Variants in ADAMTS3 observed in about 807,000 individuals in gnomAD.
ADAMTS3 encodes ADAM metallopeptidase with thrombospondin type 1 motif 3, also known as A disintegrin and metalloproteinase with thrombospondin motifs 3.
ADAMTS3 carries 73 observed loss-of-function variants against 129.0 expected under a neutral mutation model. That is an observed-to-expected ratio of 0.57 (90% confidence interval 0.47 to 0.69). ADAMTS3 has a LOEUF of 0.69. ADAMTS3 is among the 30% of genes least tolerant of loss of function. ADAMTS3 has a pLI of 0.00. For synonymous variants in ADAMTS3, 477 were observed against 510.8 expected (o/e 0.93, Z 0.89); for missense variants, 1,457 against 1,514.5 (o/e 0.96, Z 0.63).
At chr4:72,568,661 A>G in intron 1 of ADAMTS3, 33 bp downstream of exon 1, 1 of 1,437,940 alleles carries the variant, frequency 7.0e-7, no homozygotes, top group African/African-American at 2.3e-5. Context: ...GTTGGGTTTG[A>G]GTTTTTTTTT....
chr4:72,548,907 G>A, intron 2 of ADAMTS3, 23 bp from the exon 3 acceptor site: 1 of 1,589,090 alleles, frequency 6.3e-7, no homozygotes, highest in Non-Finnish European at 8.6e-7. Context: ...AAACAGAACT[G>A]TCAAACCCTG....
Position 72,482,507 on chromosome 4 carries a change from G to A in ADAMTS3, c.504+65971C>T, listed in dbSNP as rs73825551. 6.2e-3 allele frequency among the ~76,000 whole-genome samples: 937 copies of A among 152,172 alleles called. 13 individuals carry two copies. Among genetic ancestry groups the A allele is most frequent in the African/African-American group, 0.022 (904 of 41,544 alleles). The stretch of plus-strand genomic sequence containing the variant: ...AGATTCACAGTTTTCAGAGCTTAAG[G>A]AAGAAGTGGGGTGGGAGAAAAGTGG... On this transcript the variant is annotated intron_variant, in intron 3 of 21. Coordinates refer to ENST00000286657, the MANE Select transcript of ADAMTS3 (RefSeq NM_014243.3).
rs566255347 is a variant in ADAMTS3, at chr4:72,376,094, C to T, written c.662-36401G>A. The stretch of plus-strand genomic sequence containing the variant: ...AGGTAGTTGCAAATTCTCAAATACA[C>T]GTGCAGATTATGTGGAAGTGCTACA... On this transcript the variant is annotated intron_variant, in intron 4 of 21. Transcript: ENST00000286657. Among the ~76,000 whole-genome samples the T allele has an allele frequency of 1.7e-4, 26 of 152,232 alleles. 1 individual carries two copies. The highest frequency in any genetic ancestry group is 5.3e-4 in the African/African-American group (22 of 41,554).
intron 3 of ADAMTS3, among the ~76,000 whole-genome samples, chr4:72,478,202 T>A (rs371683028): frequency 1.3e-4 from 20 of 152,158 alleles, no homozygotes; most frequent in Non-Finnish European, 2.6e-4. Flanking sequence ...TGAGGCCAGC[T>A]TCATTCTGAT....
Position 72,318,706 on chromosome 4 carries a change from T to A in ADAMTS3, c.1353-2A>T. 1 of 1,608,950 alleles carries A rather than the reference T, an allele frequency of 6.2e-7. No homozygotes were observed. The highest frequency in any genetic ancestry group is 8.5e-7 in the Non-Finnish European group (1 of 1,178,532). On this transcript the variant is annotated splice_acceptor_variant, in intron 9 of 21. Transcript: ENST00000286657. LOFTEE classifies it high-confidence loss of function. ...TCATCAAGGAGACAGTCATAGGAAC[T>A]GTAGGAAGAAAAATATTGCATGTAG...
chr4:72,416,980 C>T lies in ADAMTS3; in HGVS notation c.505-2009G>A, dbSNP rs555490863. Reference sequence around the variant, plus strand: ...TCTGCTGGTAGCAAAAAGCGTGAACCGGCTTTATCCCAGAAAGATAGGTCT... The same window carrying T: ...TCTGCTGGTAGCAAAAAGCGTGAACTGGCTTTATCCCAGAAAGATAGGTCT... On this transcript the variant is annotated intron_variant, in intron 3 of 21. Coordinates refer to ENST00000286657, the MANE Select transcript of ADAMTS3 (RefSeq NM_014243.3). Among the ~76,000 whole-genome samples, 6 of 152,220 alleles carry T rather than the reference C, an allele frequency of 3.9e-5. 1 individual carries two copies. The South Asian group carries it at 8.3e-4, about 21-fold the overall frequency.
At chr4:72,552,296 A>G (rs1338379225) in intron 2 of ADAMTS3, among the ~76,000 whole-genome samples, 1 of 152,184 alleles carries the variant, frequency 6.6e-6, no homozygotes, top group Non-Finnish European at 1.5e-5. Context: ...AATAGTTACA[A>G]CTTCATAGGT....
intron 21 of ADAMTS3, among the ~76,000 whole-genome samples, chr4:72,287,946 A>G (rs555510308): frequency 2.6e-4 from 39 of 152,254 alleles, no homozygotes; most frequent in Non-Finnish European, 1.6e-4. Context: ...GCTCACTGCA[A>G]CCTCTGTCTC....
Position 72,392,216 on chromosome 4 carries a change from C to T in ADAMTS3, c.661+22599G>A, listed in dbSNP as rs146389820. Reference sequence around the variant, plus strand: ...GGGCCCCTCCCACTGTACCATCCTGCTGATATTTCATAGGCTTCACCTGAG... The same window carrying T: ...GGGCCCCTCCCACTGTACCATCCTGTTGATATTTCATAGGCTTCACCTGAG... On this transcript the variant is annotated intron_variant, in intron 4 of 21. Coordinates refer to ENST00000286657, the MANE Select transcript of ADAMTS3 (RefSeq NM_014243.3). Among the ~76,000 whole-genome samples the T allele has an allele frequency of 9.7e-4, 147 of 152,278 alleles. 3 individuals carry two copies. The East Asian group carries it at 0.022, about 22-fold the overall frequency.
chr4:72,515,713 T>A (rs1269161547), intron 3 of ADAMTS3, among the ~76,000 whole-genome samples: 7 of 152,054 alleles, frequency 4.6e-5, no homozygotes, highest in Middle Eastern at 6.8e-3. Context: ...TTTGTTTGAG[T>A]TCATTGTAGA....
At chr4:72,381,736 G>A (rs1721293392) in intron 4 of ADAMTS3, among the ~76,000 whole-genome samples, 1 of 152,060 alleles carries the variant, frequency 6.6e-6, no homozygotes, top group South Asian at 2.1e-4. Context: ...TAGTCCAGAA[G>A]GTGGCTGCAT....
intron 3 of ADAMTS3, among the ~76,000 whole-genome samples, chr4:72,533,985 C>T (rs1721120864): frequency 6.6e-6 from 1 of 152,122 alleles, no homozygotes; most frequent in African/African-American, 2.4e-5. Flanking sequence ...CAGAAGGACA[C>T]TGTCCATAAA....
At chr4:72,432,833 AC>A (rs1260052703) in intron 3 of ADAMTS3, among the ~76,000 whole-genome samples, 3 of 151,966 alleles carry the variant, frequency 2.0e-5, no homozygotes, top group East Asian at 3.9e-4. Flanking sequence ...AATGTGTATT[AC>A]ATGCCAAGCT....
intron 3 of ADAMTS3, among the ~76,000 whole-genome samples, chr4:72,503,641 T>C (rs546826070): frequency 6.6e-6 from 1 of 152,192 alleles, no homozygotes. Context: ...TGAATTTAAG[T>C]CCAGAATTTC....
chr4:72,471,677 A>T (rs924352120), intron 3 of ADAMTS3, among the ~76,000 whole-genome samples: 6 of 152,066 alleles, frequency 3.9e-5, no homozygotes, highest in Admixed American at 3.3e-4. Context: ...AAAATTAAAA[A>T]CAATGCCATC....
At chr4:72,563,726 T>C (rs1721959032) in intron 2 of ADAMTS3, among the ~76,000 whole-genome samples, 1 of 152,176 alleles carries the variant, frequency 6.6e-6, no homozygotes, top group South Asian at 2.1e-4. Flanking sequence ...CAATTCAGCC[T>C]GGAGAAAGGC....
At chr4:72,455,864 T>C (rs1221657827) in intron 3 of ADAMTS3, among the ~76,000 whole-genome samples, 2 of 127,228 alleles carry the variant, frequency 1.6e-5, no homozygotes, top group African/African-American at 5.8e-5. Flanking sequence ...ATATATAGTA[T>C]ATACACTGTA....
chr4:72,568,816 C>CCA lies in ADAMTS3; in HGVS notation c.-55_-54insTG. 6.2e-6 allele frequency: 6 copies of CCA among 975,022 alleles called. No homozygotes were observed. Among genetic ancestry groups the CCA allele is most frequent in the East Asian group, 4.0e-5 (1 of 24,714 alleles). 60.4% of individuals were successfully genotyped at this position (975,022 alleles called of 1,614,324 possible). ...GGGCAAAGCAAATGCCCAGAGCAAA[C>CCA]CCACCCCCCCCGCCCAAAATAAGTT... On this transcript the variant is annotated 5_prime_UTR_variant, in exon 1 of 22. Transcript: ENST00000286657.
intron 4 of ADAMTS3, among the ~76,000 whole-genome samples, chr4:72,373,550 C>A (rs376173480): frequency 6.6e-6 from 1 of 152,208 alleles, no homozygotes; most frequent in East Asian, 1.9e-4. Context: ...TACATGAATT[C>A]ATTTATTTAA....
Sources: gnomAD v4.1 joint callset for allele counts (sites outside exome capture counted in the v4.1 genomes callset) on GRCh38, gnomAD v4.1.1 for gene constraint, MANE v1.5 for transcripts, NCBI Gene and HGNC (gene_info 2026-07-23, HGNC 2026-07-21) for gene names.